Variants in BOLL observed in about 807,000 individuals in gnomAD.
BOLL encodes the protein boule RNA binding protein, also known as protein boule-like.
Under a neutral mutation model 44.4 loss-of-function variants are expected in BOLL, and 23 were observed. That is an observed-to-expected ratio of 0.52 (90% CI 0.37 to 0.73). The LOEUF is 0.73. BOLL is among the 30% of genes least tolerant of loss of function. BOLL has a pLI of 0.00. For synonymous variants in BOLL, 97 were observed against 110.8 expected, an observed-to-expected ratio of 0.88 and a Z score of 0.78; for missense variants, 287 against 338.3, an observed-to-expected ratio of 0.85 and a Z score of 1.19.
At chr2:197,777,249 A>G (rs553373974) in intron 3 of BOLL, 136 bp from the exon 4 acceptor site, 2 of 447,554 alleles carry the variant, frequency 4.5e-6, no homozygotes, top group South Asian at 5.8e-5. Context: ...CTGCACTAGC[A>G]TGGGAATCTT....
At position 197,746,734 on chromosome 2, in the gene BOLL, T is replaced by C. The variant is rs1486851874; in HGVS notation, c.730-3575A>G. ...GGCCAACATGGTGAAACCCCGTCTC[T>C]ACTAAAAATATAAAAATTAGCCCGG... is the stretch of plus-strand genomic sequence containing the variant. On this transcript the variant is annotated intron_variant, in intron 9 of 10. Transcript: ENST00000392296. Among the ~76,000 whole-genome samples, 15 of 152,002 alleles carry C rather than the reference T, an allele frequency of 9.9e-5. No individual in the cohort carries two copies. In the East Asian group the frequency reaches 2.7e-3, roughly 27 times the overall value.
At chr2:197,736,743 T>C (rs56181804) in intron 10 of BOLL, among the ~76,000 whole-genome samples, 81 of 152,262 alleles carry the variant, frequency 5.3e-4, no homozygotes, top group Non-Finnish European at 9.7e-4. Flanking sequence ...GAATCCTTTT[T>C]TGATTTGTAA....
intron 2 of BOLL, among the ~76,000 whole-genome samples, chr2:197,780,732 T>C (rs1004642302): frequency 2.0e-5 from 3 of 151,896 alleles, no homozygotes; most frequent in African/African-American, 7.2e-5. Context: ...ATTGGTTATA[T>C]GGAAATAGTT....
intron 9 of BOLL, among the ~76,000 whole-genome samples, chr2:197,748,381 C>G (rs113769655): frequency 0.073 from 11,062 of 152,236 alleles, 551 homozygotes; most frequent in Non-Finnish European, 0.1. Flanking sequence ...TCCAGAGAGA[C>G]AGAACCATTC....
intron 6 of BOLL, among the ~76,000 whole-genome samples, chr2:197,768,343 A>C (rs986429404): frequency 1.3e-5 from 2 of 152,036 alleles, no homozygotes; most frequent in Admixed American, 1.3e-4. Flanking sequence ...TTCTAATAAA[A>C]AAAAGGGCTT....
At chr2:197,734,710 C>G (rs1403458441) in intron 10 of BOLL, among the ~76,000 whole-genome samples, 1 of 151,934 alleles carries the variant, frequency 6.6e-6, no homozygotes, top group Non-Finnish European at 1.5e-5. Flanking sequence ...ATTGCAAGGA[C>G]AAAAAACCAA....
chr2:197,760,052 G>A (rs550749428), intron 7 of BOLL, among the ~76,000 whole-genome samples: 2 of 152,266 alleles, frequency 1.3e-5, no homozygotes, highest in East Asian at 3.9e-4. Context: ...GGACAGCTGA[G>A]CAGCCTGGAG....
chr2:197,748,442 G>C (rs1688086080), intron 9 of BOLL, among the ~76,000 whole-genome samples: 1 of 152,214 alleles, frequency 6.6e-6, no homozygotes, highest in Non-Finnish European at 1.5e-5. Context: ...CTTGCTCAGT[G>C]GATCCCACTT....
At chr2:197,772,494 T>C (rs1055267194) in intron 5 of BOLL, among the ~76,000 whole-genome samples, 33 of 152,064 alleles carry the variant, frequency 2.2e-4, no homozygotes, top group Non-Finnish European at 4.0e-4. Context: ...CTACTAATTC[T>C]TTGGATATCC....
chr2:197,729,494 G>C (rs1050713764), intron 10 of BOLL, among the ~76,000 whole-genome samples: 1 of 152,166 alleles, frequency 6.6e-6, no homozygotes, highest in Non-Finnish European at 1.5e-5. Flanking sequence ...GCCTCTGTAG[G>C]CTCCACCTCT....
chr2:197,737,631 G>T lies in BOLL; in HGVS notation c.828+5430C>A, dbSNP rs74917902. Reference sequence around the variant, plus strand: ...GGTTTTTCAGAATACAAGACAATTTGAGTCTCTAAATTGATTCATAAGTAT... The same window carrying T: ...GGTTTTTCAGAATACAAGACAATTTTAGTCTCTAAATTGATTCATAAGTAT... On this transcript the variant is annotated intron_variant, in intron 10 of 10. Transcript: ENST00000392296. Among the ~76,000 whole-genome samples the T allele has an allele frequency of 7.1e-3, 1,086 of 152,166 alleles. 23 individuals carry two copies. The highest frequency in any genetic ancestry group is 0.024 in the African/African-American group (1,017 of 41,540).
rs533499310 is a variant in BOLL, at chr2:197,781,303, G to A, written c.129+419C>T. Among the ~76,000 whole-genome samples, 57 of 151,940 alleles carry A rather than the reference G, an allele frequency of 3.8e-4. 1 individual carries two copies. The highest frequency in any genetic ancestry group is 1.3e-3 in the African/African-American group (54 of 41,476). Reference sequence around the variant, plus strand: ...CTCAGGAATCTGAGATAAGAGTTGGGGTAAAGAAATAGTATTTCATAAAAG... The same window carrying A: ...CTCAGGAATCTGAGATAAGAGTTGGAGTAAAGAAATAGTATTTCATAAAAG... On this transcript the variant is annotated intron_variant, in intron 2 of 10. Transcript: ENST00000392296.
At position 197,766,517 on chromosome 2, in the gene BOLL, G is replaced by T. The variant is rs184278475; in HGVS notation, c.552+15C>A. The T allele has an allele frequency of 2.5e-6, 4 of 1,587,402 alleles. No individual in the cohort carries two copies. The highest frequency in any genetic ancestry group is 3.5e-6 in the Non-Finnish European group (4 of 1,157,372). Reference sequence around the variant, plus strand: ...GAAAGTTTCAGAGAGAATTTTAATTGTAATTTATGTTTACCTGGTAGTGAT... The same window carrying T: ...GAAAGTTTCAGAGAGAATTTTAATTTTAATTTATGTTTACCTGGTAGTGAT... On this transcript the variant is annotated intron_variant, in intron 7 of 10. Coordinates refer to ENST00000392296, the MANE Select transcript of BOLL (RefSeq NM_033030.6).
intron 9 of BOLL, among the ~76,000 whole-genome samples, chr2:197,755,021 A>C (rs1005822198): frequency 2.6e-5 from 4 of 152,220 alleles, no homozygotes; most frequent in African/African-American, 9.6e-5. Context: ...CAATATCCAT[A>C]ATGTACAAGG....
Position 197,766,613 on chromosome 2 carries a change from G to T in BOLL, c.481-10C>A. Reference sequence around the variant, plus strand: ...TACATACAGAACGTGACTATAAAAGGATGGAAAAAGAAAAATTAGGCAGAA... The same window carrying T: ...TACATACAGAACGTGACTATAAAAGTATGGAAAAAGAAAAATTAGGCAGAA... On this transcript the variant is annotated splice_polypyrimidine_tract_variant and intron_variant, in intron 6 of 10. Transcript: ENST00000392296. 6.2e-7 allele frequency: 1 copy of T among 1,602,524 alleles called. No homozygotes were observed.
intron 5 of BOLL, 152 bp from the exon 6 acceptor site, chr2:197,772,134 T>C (rs1689296176): frequency 5.1e-6 from 3 of 585,366 alleles, no homozygotes; most frequent in South Asian, 5.7e-5. Context: ...AAATTCCTTA[T>C]GTCAAAGTAT....
Position 197,771,984 on chromosome 2 carries a change from TA to T in BOLL, c.353-3del. On this transcript the variant is annotated splice_region_variant and splice_polypyrimidine_tract_variant and intron_variant, in intron 5 of 10. Transcript: ENST00000392296. ...CAGCTGCTGGCATTATACTAGAACC[TA>T]AAGCAAAGATTAAATAATAATAATT... 4 of 1,558,960 alleles carry T rather than the reference TA, an allele frequency of 2.6e-6. No individual in the cohort carries two copies. The highest frequency in any genetic ancestry group is 3.5e-6 in the Non-Finnish European group (4 of 1,146,992).
intron 10 of BOLL, among the ~76,000 whole-genome samples, chr2:197,740,204 TTAAAG>T (rs1687668696): frequency 6.6e-6 from 1 of 152,164 alleles, no homozygotes; most frequent in East Asian, 1.9e-4. Flanking sequence ...GGGAGGCTCC[TTAAAG>T]TAGACTGTCT....
At chr2:197,742,950 TC>T (rs1325434698) in intron 10 of BOLL, 110 bp downstream of exon 10, 3 of 649,244 alleles carry the variant, frequency 4.6e-6, no homozygotes, top group Non-Finnish European at 7.3e-6. Flanking sequence ...GTACTTCTGA[TC>T]ACAAGTGTGA....
Sources: gnomAD v4.1 joint callset for allele counts (sites outside exome capture counted in the v4.1 genomes callset) on GRCh38, gnomAD v4.1.1 for gene constraint, MANE v1.5 for transcripts, NCBI Gene and HGNC (gene_info 2026-07-23, HGNC 2026-07-21) for gene names.